The following SPON1 variants were observed in gnomAD, a reference collection of about 807,000 sequenced individuals.
SPON1 encodes spondin 1, also known as spondin-1.
SPON1 carries 52 observed loss-of-function variants against 111.7 expected under a neutral mutation model. That is an observed-to-expected ratio of 0.47 (90% CI 0.37 to 0.59). The LOEUF is 0.59. Ranked by LOEUF, SPON1 falls within the 20% of genes least tolerant of loss-of-function variation. The probability of loss-of-function intolerance (pLI) is 0.00; values close to 1 mark genes in which losing one functional copy is unlikely to be tolerated. For synonymous variants in SPON1, 410 were observed against 395.8 expected (o/e 1.04, Z -0.43); for missense variants, 957 against 1,068.5 (o/e 0.90, Z 1.46).
At chr11:14,254,200 G>A (rs1242573710) in intron 7 of SPON1, among the ~76,000 whole-genome samples, 3 of 152,200 alleles carry the variant, frequency 2.0e-5, no homozygotes, top group Non-Finnish European at 4.4e-5. Context: ...AGGATCACTT[G>A]AGCCCAGAAG....
intron 2 of SPON1, among the ~76,000 whole-genome samples, chr11:14,011,172 G>A (rs1848401961): frequency 6.6e-6 from 1 of 152,140 alleles, no homozygotes; most frequent in East Asian, 1.9e-4. Flanking sequence ...CACTCTGTGG[G>A]TTTGAATTCA....
At chr11:13,982,490 C>G (rs1428978595) in intron 1 of SPON1, among the ~76,000 whole-genome samples, 1 of 152,218 alleles carries the variant, frequency 6.6e-6, no homozygotes, top group Admixed American at 6.5e-5. Context: ...GACTAGTTTT[C>G]TCTTGGGCCA....
intron 6 of SPON1, among the ~76,000 whole-genome samples, chr11:14,189,102 A>G (rs964174882): frequency 2.0e-5 from 3 of 152,218 alleles, no homozygotes; most frequent in Non-Finnish European, 4.4e-5. Context: ...ATTGTCCTCA[A>G]TACAGAAAGA....
chr11:14,090,114 A>T (rs1849037650), intron 5 of SPON1, among the ~76,000 whole-genome samples: 1 of 150,086 alleles, frequency 6.7e-6, no homozygotes, highest in African/African-American at 2.5e-5. Context: ...GAGCAAGACC[A>T]CTTGGTTCCC....
intron 6 of SPON1, among the ~76,000 whole-genome samples, chr11:14,143,678 T>G (rs1847684338): frequency 7.7e-6 from 1 of 129,176 alleles, no homozygotes; most frequent in Non-Finnish European, 1.8e-5. Context: ...GGACAGGAGC[T>G]CAGGGCAGGA....
chr11:14,259,573 A>G lies in SPON1; in HGVS notation c.1703A>G (p.Asp568Gly). Reference protein sequence around the residue: ...SCLMTEWGEWDECSATCGMGM... With the variant: ...SCLMTEWGEWGECSATCGMGM... ...CTGATGACCGAGTGGGGCGAGTGGGACGAGTGCAGCGCCACCTGCGGCATG... is the reference window on the plus strand; with the variant it reads ...CTGATGACCGAGTGGGGCGAGTGGGGCGAGTGCAGCGCCACCTGCGGCATG... The change falls in exon 13 of 16, where the codon GAC becomes GGC. Residue 568 changes from aspartate to glycine, a missense_variant. Around this residue, in one of 5 missense-constraint regions of SPON1, gnomAD observed 549 missense variants for 606.2 expected, o/e 0.91. Coordinates refer to ENST00000576479, the MANE Select transcript of SPON1 (RefSeq NM_006108.4). The surrounding 1 kb of genome is among the most constrained non-coding windows in gnomAD (Gnocchi z 5.0). The G allele has an allele frequency of 6.4e-7, 1 of 1,553,582 alleles. No homozygotes were observed. The highest frequency in any genetic ancestry group is 8.7e-7 in the Non-Finnish European group (1 of 1,148,658).
chr11:14,172,100 T>C (rs1179476487), intron 6 of SPON1, among the ~76,000 whole-genome samples: 1 of 152,160 alleles, frequency 6.6e-6, no homozygotes. Context: ...AGTGTTAAAG[T>C]CTCCCATTAT....
intron 6 of SPON1, among the ~76,000 whole-genome samples, chr11:14,139,989 A>G (rs568052276): frequency 1.3e-5 from 2 of 152,338 alleles, no homozygotes; most frequent in South Asian, 2.1e-4. Context: ...TTGTGGCACA[A>G]AAGGAGGCTG....
rs546937035 is a variant in SPON1, at chr11:13,975,344, A to G, written c.239-7503A>G. ...AACCCATGGGAACTTTGGAAAAGGG[A>G]CCAGAATAGGAATGAGAAAACTATG... On this transcript the variant is annotated intron_variant, in intron 1 of 15. Transcript: ENST00000576479. Among the ~76,000 whole-genome samples, 3 of 152,328 alleles carry G rather than the reference A, an allele frequency of 2.0e-5. No homozygotes were observed. The South Asian group carries it at 6.2e-4, about 32-fold the overall frequency.
At chr11:14,256,322 T>C (rs1459003228) in intron 9 of SPON1, among the ~76,000 whole-genome samples, 1 of 152,216 alleles carries the variant, frequency 6.6e-6, no homozygotes, top group African/African-American at 2.4e-5. Flanking sequence ...AATGAACAAT[T>C]TGATCCAGGC....
At chr11:14,016,432 A>G (rs782056217) in intron 2 of SPON1, among the ~76,000 whole-genome samples, 5 of 152,248 alleles carry the variant, frequency 3.3e-5, no homozygotes, top group Non-Finnish European at 5.9e-5. Flanking sequence ...GCAGAAGTAT[A>G]TCCATCTAAG....
rs1391157370 is a variant in SPON1, at chr11:14,085,283, A to G, written c.676+5262A>G. Reference sequence around the variant, plus strand: ...TAGGGTTTTTATGCTTTTAGGTTTTACATTTAAGTCTTTAATAATCCATCT... The same window carrying G: ...TAGGGTTTTTATGCTTTTAGGTTTTGCATTTAAGTCTTTAATAATCCATCT... On this transcript the variant is annotated intron_variant, in intron 5 of 15. Coordinates refer to ENST00000576479, the MANE Select transcript of SPON1 (RefSeq NM_006108.4). Among the ~76,000 whole-genome samples the G allele has an allele frequency of 6.6e-5, 10 of 152,286 alleles. No homozygotes were observed. In the East Asian group the frequency reaches 1.7e-3, roughly 26 times the overall value.
chr11:14,117,863 A>T (rs1196333935), intron 5 of SPON1, among the ~76,000 whole-genome samples: 1 of 152,220 alleles, frequency 6.6e-6, no homozygotes, highest in East Asian at 1.9e-4. Flanking sequence ...CCACTGTCAC[A>T]TTATAGATCC....
chr11:14,258,921 G>A (rs537158323), intron 11 of SPON1, among the ~76,000 whole-genome samples: 1 of 152,210 alleles, frequency 6.6e-6, no homozygotes, highest in South Asian at 2.1e-4. Flanking sequence ...CCTTCCACAG[G>A]GAAGGATTGT....
chr11:14,084,372 C>A (rs902919273), intron 5 of SPON1, among the ~76,000 whole-genome samples: 1 of 152,190 alleles, frequency 6.6e-6, no homozygotes, highest in Non-Finnish European at 1.5e-5. Context: ...TTGTTCAACT[C>A]CCACTTACGA....
At chr11:14,007,320 C>G (rs1287544691) in intron 2 of SPON1, among the ~76,000 whole-genome samples, 1 of 152,058 alleles carries the variant, frequency 6.6e-6, no homozygotes, top group African/African-American at 2.4e-5. Context: ...TCACAGGGTC[C>G]CACAATCAGC....
chr11:14,187,973 G>T (rs889743932), intron 6 of SPON1, among the ~76,000 whole-genome samples: 4 of 152,150 alleles, frequency 2.6e-5, no homozygotes, highest in African/African-American at 9.7e-5. Context: ...TAGAGACAGG[G>T]TTTTGCCATG....
intron 6 of SPON1, among the ~76,000 whole-genome samples, chr11:14,189,130 G>A (rs538367863): frequency 6.6e-6 from 1 of 152,282 alleles, no homozygotes; most frequent in East Asian, 1.9e-4. Flanking sequence ...GCACAAAGAG[G>A]TTCAATGCAC....
chr11:14,198,104 G>A (rs1291223073), intron 6 of SPON1, among the ~76,000 whole-genome samples: 3 of 152,204 alleles, frequency 2.0e-5, no homozygotes, highest in African/African-American at 7.2e-5. Context: ...CTAGAATGGT[G>A]GGGCATCCCA....
Sources: allele counts gnomAD v4.1 joint callset (sites outside exome capture counted in the v4.1 genomes callset), GRCh38; gene constraint gnomAD v4.1.1; regional missense constraint gnomAD v4.1.1; non-coding constraint Gnocchi (gnomAD v3.1); transcripts MANE v1.5; gene names NCBI Gene and HGNC (gene_info 2026-07-23, HGNC 2026-07-21).